Variants in MLXIPL observed in about 807,000 individuals in gnomAD.
MLXIPL encodes carbohydrate-responsive element-binding protein.
MLXIPL carries 49 observed loss-of-function variants against 81.5 expected under a neutral mutation model. That is an observed-to-expected ratio of 0.60 (90% CI 0.48 to 0.76). The LOEUF (loss-of-function observed/expected upper bound fraction) is 0.76, where lower values mean the gene tolerates loss of function less well. Among genes scored for constraint, MLXIPL ranks in the 30% least tolerant of loss-of-function variants. The probability of loss-of-function intolerance (pLI) is 0.00; values close to 1 mark genes in which losing one functional copy is unlikely to be tolerated. For missense variants in MLXIPL, 1,053 were observed against 1,167.0 expected, an observed-to-expected ratio of 0.90 and a Z score of 1.42; for synonymous variants, 466 against 485.5, an observed-to-expected ratio of 0.96 and a Z score of 0.53.
intron 5 of MLXIPL, chr7:73,606,755 C>T (rs1795311896): frequency 1.7e-6 from 1 of 573,672 alleles, no homozygotes; most frequent in Non-Finnish European, 3.2e-6. Context: ...TGCCTCCCAC[C>T]ACTTGCTCAA....
intron 2 of MLXIPL, chr7:73,611,323 G>A (rs1795675441): frequency 6.6e-6 from 1 of 152,194 alleles, no homozygotes; most frequent in African/African-American, 2.4e-5. Context: ...TTGGCACAGA[G>A]CTTGACACAC....
rs782456505 is a variant in MLXIPL at position 73,593,965 on chromosome 7, C to T, written c.2459G>A (p.Arg820His). The T allele has an allele frequency of 2.0e-5, 33 of 1,613,848 alleles. No individual in the cohort carries two copies. Among genetic ancestry groups the T allele is most frequent in the South Asian group, 7.7e-5 (7 of 91,082 alleles). Reference protein sequence around the residue: ...ALRPTVLNSLRQLGTSTSILT... With the variant: ...ALRPTVLNSLHQLGTSTSILT... Reference sequence around the variant, plus strand: ...GATACTGGTAGATGTGCCCAGCTGGCGTAGGGAGTTCAGGACAGCTGGGTG... The same window carrying T: ...GATACTGGTAGATGTGCCCAGCTGGTGTAGGGAGTTCAGGACAGCTGGGTG... Residue 820 changes from arginine to histidine, a missense_variant, in exon 17 of 17, where the codon CGC becomes CAC. Physicochemically the swap from Arg to His is conservative, Grantham distance 29. Coordinates refer to ENST00000313375, the MANE Select transcript of MLXIPL (RefSeq NM_032951.3).
At position 73,597,591 on chromosome 7, in the gene MLXIPL, G is replaced by A. The variant is rs1342083528; in HGVS notation, c.1194C>T (p.Tyr398=). ...PPPVPPPLLH[Y]PPPAKVPGLE... is the part of the protein sequence containing the mutation. ...GGCCTGGCACCTTGGCAGGGGGAGGGTAATGCAGCAGAGGTGGGGGTACAG... is the reference window on the plus strand; with the variant it reads ...GGCCTGGCACCTTGGCAGGGGGAGGATAATGCAGCAGAGGTGGGGGTACAG... Residue 398 remains tyrosine (Y), a synonymous_variant, in exon 9 of 17, where the codon TAC becomes TAT. Coordinates refer to ENST00000313375, the MANE Select transcript of MLXIPL (RefSeq NM_032951.3). The A allele has an allele frequency of 2.2e-6, 2 of 926,138 alleles. No homozygotes were observed. The highest frequency in any genetic ancestry group is 4.0e-5 in the African/African-American group (2 of 50,622). 57.4% of individuals were successfully genotyped at this position (926,138 alleles called of 1,614,324 possible).
chr7:73,594,601 T>C (rs1165005857), intron 15 of MLXIPL, among the ~76,000 whole-genome samples, 198 bp from the exon 16 acceptor site: 1 of 152,064 alleles, frequency 6.6e-6, no homozygotes, highest in African/African-American at 2.4e-5. Context: ...CAGGCTGAAG[T>C]GCAGTGGCAC....
chr7:73,605,842 C>T, intron 6 of MLXIPL, 68 bp downstream of exon 6: 3 of 1,572,078 alleles, frequency 1.9e-6, no homozygotes, highest in East Asian at 2.3e-5. Context: ...CCCCAGCCAT[C>T]CCTCCCTTGG....
At chr7:73,643,468 T>G in the MLXIPL span, among the ~76,000 whole-genome samples, 1 of 149,548 alleles carries the variant, frequency 6.7e-6, no homozygotes, top group Non-Finnish European at 1.5e-5. Flanking sequence ...GAGCCGAGAT[T>G]GCGCCACTGC....
intron 2 of MLXIPL, chr7:73,610,849 A>G (rs1386153691): frequency 2.0e-5 from 3 of 151,500 alleles, no homozygotes; most frequent in Admixed American, 2.0e-4. Flanking sequence ...TTTAAGATGA[A>G]GTCTCACTCT....
At chr7:73,607,129 A>G (rs1399657671) in intron 4 of MLXIPL, 111 bp from the exon 5 acceptor site, 1 of 1,433,546 alleles carries the variant, frequency 7.0e-7, no homozygotes, top group African/African-American at 1.4e-5. Context: ...TCCCATCAGG[A>G]GCTCACCCGA....
chr7:73,635,652 A>G, the MLXIPL span, among the ~76,000 whole-genome samples: 5 of 149,704 alleles, frequency 3.3e-5, no homozygotes, highest in African/African-American at 1.2e-4. Flanking sequence ...CCATCAATCC[A>G]TCTCTTCTAT....
At position 73,597,513 on chromosome 7, in the gene MLXIPL, C is replaced by G. The variant is rs975428992; in HGVS notation, c.1272G>C (p.Leu424Phe). The G allele has an allele frequency of 1.8e-5, 25 of 1,372,712 alleles. No homozygotes were observed. Among genetic ancestry groups the G allele is most frequent in the Non-Finnish European group, 2.4e-5 (25 of 1,061,460 alleles). The allele number at this position is 1,372,712 out of a possible 1,614,324, so 85.0% of individuals were successfully genotyped here. A position where few individuals can be genotyped will look rare whatever the true frequency, so the allele number is the denominator to read the frequency against. ...PFPPMAPPTA[L>F]LQEEPLFSPR... ...GAGAGAAGAGAGGCTCTTCCTGCAGCAAAGCAGTGGGTGGTGCCATGGGAG... is the reference window on the plus strand; with the variant it reads ...GAGAGAAGAGAGGCTCTTCCTGCAGGAAAGCAGTGGGTGGTGCCATGGGAG... The change falls in exon 9 of 17, where the codon TTG becomes TTC. Residue 424 changes from leucine to phenylalanine, a missense_variant. Transcript: ENST00000313375.
rs1341396267 is a variant in MLXIPL, at chr7:73,597,230, T to TG, written c.1554dup (p.Thr519HisfsTer18). On this transcript the variant is annotated frameshift_variant, in exon 9 of 17. Transcript: ENST00000313375. LOFTEE classifies it high-confidence loss of function. ...CAGGGGTTGTTGCTCCCCGCAGTGG[T>TG]GGGGGGACTGGCAGTGGCAGGGGCT... 2 of 1,581,530 alleles carry TG rather than the reference T, an allele frequency of 1.3e-6. No individual in the cohort carries two copies. Among genetic ancestry groups the TG allele is most frequent in the Non-Finnish European group, 1.7e-6 (2 of 1,165,952 alleles).
Position 73,624,315 on chromosome 7 carries a change from C to A in MLXIPL, c.178G>T (p.Asp60Tyr). ...TGGTCGCGCCGCCGGGGCAGCGAGT[C>A]GCTGTGCGGCGACGACACCATGAAG... The part of the protein sequence containing the change: ...GHFMVSSPHS[D>Y]SLPRRRDQEG... The change falls in exon 1 of 17, where the codon GAC becomes TAC. Residue 60 changes from aspartate (D) to tyrosine (Y), a missense_variant. Transcript: ENST00000313375. 1 of 1,587,102 alleles carries A rather than the reference C, an allele frequency of 6.3e-7. No homozygotes were observed.
intron 1 of MLXIPL, among the ~76,000 whole-genome samples, chr7:73,620,251 A>G: frequency 6.6e-6 from 1 of 151,224 alleles, no homozygotes; most frequent in East Asian, 2.0e-4. Context: ...TAAAAATACA[A>G]AAATTAGCCG....
At chr7:73,622,336 C>G (rs1398758266) in intron 1 of MLXIPL, among the ~76,000 whole-genome samples, 1 of 151,708 alleles carries the variant, frequency 6.6e-6, no homozygotes, top group African/African-American at 2.4e-5. Context: ...ACTAAAAATA[C>G]AAAAAATTAG....
chr7:73,596,814 C>G lies in MLXIPL; in HGVS notation c.1672-25G>C. ...GCTGGGGTGGAGAAGGGCGGAGAGT[C>G]GGGTTGAAGGCCGTGGGCACAGCCC... On this transcript the variant is annotated intron_variant, in intron 10 of 16. Coordinates refer to ENST00000313375, the MANE Select transcript of MLXIPL (RefSeq NM_032951.3). The surrounding 1 kb of genome is among the most constrained non-coding windows in gnomAD (Gnocchi z 4.7). 2 of 1,607,916 alleles carry G rather than the reference C, an allele frequency of 1.2e-6. No individual in the cohort carries two copies. Among genetic ancestry groups the G allele is most frequent in the Non-Finnish European group, 8.5e-7 (1 of 1,177,996 alleles).
the MLXIPL span, among the ~76,000 whole-genome samples, chr7:73,630,956 G>A: frequency 6.6e-6 from 1 of 152,002 alleles, no homozygotes. Context: ...TGCCCCGGAT[G>A]CCTATCAACA....
the MLXIPL span, among the ~76,000 whole-genome samples, chr7:73,632,174 A>AT: frequency 8.0e-4 from 121 of 150,410 alleles, no homozygotes; most frequent in Non-Finnish European, 1.3e-3. Flanking sequence ...TTATTTATTT[A>AT]TTTTTTTTGT....
chr7:73,601,068 C>A (rs1216947413), intron 7 of MLXIPL, among the ~76,000 whole-genome samples: 1 of 151,834 alleles, frequency 6.6e-6, no homozygotes, highest in Non-Finnish European at 1.5e-5. Context: ...TCCCTCCCAC[C>A]CCCCTGCCAG....
chr7:73,632,574 C>A, the MLXIPL span, among the ~76,000 whole-genome samples: 1 of 152,150 alleles, frequency 6.6e-6, no homozygotes, highest in East Asian at 1.9e-4. Flanking sequence ...AGATCCAGGG[C>A]CCAGCCCTGT....
Sources: gnomAD v4.1 joint callset for allele counts (sites outside exome capture counted in the v4.1 genomes callset) on GRCh38, gnomAD v4.1.1 for gene constraint, Gnocchi (gnomAD v3.1) non-coding constraint, MANE v1.5 for transcripts, NCBI Gene and HGNC (gene_info 2026-07-23, HGNC 2026-07-21) for gene names.